The following VPS26A variants were observed in gnomAD, a reference collection of about 807,000 sequenced individuals.
The protein encoded by VPS26A is vacuolar protein sorting-associated protein 26A.
A neutral mutation model predicts 42.4 loss-of-function variants in VPS26A; 22 were observed. The observed-to-expected ratio is 0.52, with a 90% CI of 0.37 to 0.74. The LOEUF (loss-of-function observed/expected upper bound fraction) is 0.74, where lower values mean the gene tolerates loss of function less well. Ranked by LOEUF, VPS26A falls within the 30% of genes least tolerant of loss-of-function variation. The pLI is 0.00. For missense variants in VPS26A, 276 were observed against 379.2 expected (o/e 0.73, Z 2.26); for synonymous variants, 110 against 123.5 (o/e 0.89, Z 0.73).
At chr10:69,164,423 G>A (rs1393884890) in intron 6 of VPS26A, among the ~76,000 whole-genome samples, 3 of 151,966 alleles carry the variant, frequency 2.0e-5, no homozygotes, top group Non-Finnish European at 2.9e-5. Flanking sequence ...TCACTACGTT[G>A]CCCAGGCTGG....
At chr10:69,164,177 A>T (rs1841629301) in intron 6 of VPS26A, among the ~76,000 whole-genome samples, 1 of 150,866 alleles carries the variant, frequency 6.6e-6, no homozygotes, top group South Asian at 2.1e-4. Flanking sequence ...TCTTTTTCTT[A>T]CTTATGTGTA....
chr10:69,148,346 C>A (rs1351894947), intron 2 of VPS26A, among the ~76,000 whole-genome samples: 2 of 152,022 alleles, frequency 1.3e-5, no homozygotes, highest in Non-Finnish European at 2.9e-5. Flanking sequence ...TGGATCTATT[C>A]CCTGTTGCAA....
chr10:69,137,884 C>T (rs1028121748), intron 2 of VPS26A, among the ~76,000 whole-genome samples: 6 of 142,698 alleles, frequency 4.2e-5, no homozygotes, highest in East Asian at 1.9e-4. Flanking sequence ...TATATATATT[C>T]GCCATAAAAA....
intron 1 of VPS26A, among the ~76,000 whole-genome samples, chr10:69,125,306 C>G (rs1840625469): frequency 1.4e-5 from 2 of 140,736 alleles, no homozygotes; most frequent in African/African-American, 4.9e-5. Flanking sequence ...TCCAGACATT[C>G]ATGTTCATTC....
intron 1 of VPS26A, among the ~76,000 whole-genome samples, chr10:69,129,042 T>C (rs1338044443): frequency 1.3e-5 from 2 of 151,392 alleles, no homozygotes; most frequent in African/African-American, 4.9e-5. Flanking sequence ...AATTTTTCTA[T>C]CTCTGTTTTA....
intron 1 of VPS26A, among the ~76,000 whole-genome samples, chr10:69,130,932 C>G (rs1589343776): frequency 6.6e-6 from 1 of 152,126 alleles, no homozygotes; most frequent in Non-Finnish European, 1.5e-5. Context: ...TATCCATTCT[C>G]TTGTTGATTG....
chr10:69,163,766 CTTT>C (rs869154106), intron 6 of VPS26A, among the ~76,000 whole-genome samples: 3 of 133,594 alleles, frequency 2.2e-5, no homozygotes, highest in African/African-American at 5.6e-5. Context: ...TTTCAGTTTT[CTTT>C]TTTTTTTTTT....
chr10:69,164,247 T>A, intron 6 of VPS26A, among the ~76,000 whole-genome samples: 1 of 150,100 alleles, frequency 6.7e-6, no homozygotes. Context: ...AGACAGGGTC[T>A]CACACTGTCA....
At chr10:69,129,173 T>A (rs1840722258) in intron 1 of VPS26A, among the ~76,000 whole-genome samples, 1 of 152,180 alleles carries the variant, frequency 6.6e-6, no homozygotes. Context: ...TAAAATAGAC[T>A]GCTACTTGAA....
chr10:69,160,127 T>TACAC (rs71035066), intron 5 of VPS26A, among the ~76,000 whole-genome samples: 6,556 of 148,344 alleles, frequency 0.044, 215 homozygotes, highest in African/African-American at 0.088. Context: ...ACATAATTTT[T>TACAC]ACACACACAC....
chr10:69,144,058 A>G (rs1362978700), intron 2 of VPS26A, among the ~76,000 whole-genome samples: 4 of 152,058 alleles, frequency 2.6e-5, no homozygotes, highest in Non-Finnish European at 1.5e-5. Context: ...GGTTTGCATT[A>G]TCTGTATCCA....
chr10:69,153,588 A>G (rs1164710217), intron 2 of VPS26A, among the ~76,000 whole-genome samples: 1 of 150,598 alleles, frequency 6.6e-6, no homozygotes, highest in African/African-American at 2.4e-5. Context: ...GACCTTAATT[A>G]AGCAGCCTTC....
chr10:69,152,079 T>A (rs1352651448), intron 2 of VPS26A, among the ~76,000 whole-genome samples: 1 of 152,028 alleles, frequency 6.6e-6, no homozygotes, highest in African/African-American at 2.4e-5. Flanking sequence ...CATGGTGGCA[T>A]GTGCCTGTAA....
In VPS26A at chr10:69,151,282, A is replaced by AAC. The variant is rs1554854472; in HGVS notation, c.154-4514_154-4513dup. ...TCCATGTCAAAAAAAAAAAAAAAAAAACACACACACACACACAATTAGCCG... is the reference window on the plus strand; with the variant it reads ...TCCATGTCAAAAAAAAAAAAAAAAAAACACACACACACACACACAATTAGCCG... On this transcript the variant is annotated intron_variant, in intron 2 of 8. Coordinates refer to ENST00000263559, the MANE Select transcript of VPS26A (RefSeq NM_004896.5). Among the ~76,000 whole-genome samples the AAC allele has an allele frequency of 1.0e-3, 138 of 136,746 alleles. 1 individual carries two copies. Among genetic ancestry groups the AAC allele is most frequent in the African/African-American group, 3.8e-3 (115 of 30,088 alleles). 89.7% of individuals were successfully genotyped at this position (136,746 alleles called of 152,430 possible).
intron 2 of VPS26A, among the ~76,000 whole-genome samples, chr10:69,144,435 T>A (rs1447202517): frequency 6.6e-6 from 1 of 150,784 alleles, no homozygotes; most frequent in African/African-American, 2.4e-5. Flanking sequence ...GCACCTGCGC[T>A]ACCACCACCA....
chr10:69,124,824 G>A (rs1840614734), intron 1 of VPS26A, among the ~76,000 whole-genome samples: 1 of 152,216 alleles, frequency 6.6e-6, no homozygotes, highest in Admixed American at 6.5e-5. Context: ...AAATGGGAGA[G>A]AAAAATAAAA....
At chr10:69,133,638 G>A in intron 2 of VPS26A, 1 of 1,275,006 alleles carries the variant, frequency 7.8e-7, no homozygotes, top group Non-Finnish European at 1.0e-6. Context: ...TCTTTATCCG[G>A]TAATGTATAC....
intron 2 of VPS26A, among the ~76,000 whole-genome samples, chr10:69,155,409 G>T (rs925193533): frequency 1.3e-5 from 2 of 152,082 alleles, no homozygotes; most frequent in African/African-American, 2.4e-5. Flanking sequence ...AAATGTCCTG[G>T]AATTGCATCT....
Position 69,171,946 on chromosome 10 carries a change from CCTT to C in VPS26A, c.*681_*683del, listed in dbSNP as rs1439375661. 2.0e-5 allele frequency: 3 copies of C among 152,064 alleles called. No individual in the cohort carries two copies. The highest frequency in any genetic ancestry group is 4.4e-5 in the Non-Finnish European group (3 of 68,006). The allele number at this position is 152,064 out of a possible 1,614,324, so 9.4% of individuals were successfully genotyped here. On this transcript the variant is annotated 3_prime_UTR_variant, in exon 9 of 9. Coordinates refer to ENST00000263559, the MANE Select transcript of VPS26A (RefSeq NM_004896.5). ...GGGATTATGTGGCAGGTCATTATGG[CCTT>C]CTTTTTTTTGGCCATATTAAGTAAC...
Sources: allele counts gnomAD v4.1 joint callset (sites outside exome capture counted in the v4.1 genomes callset), GRCh38; gene constraint gnomAD v4.1.1; transcripts MANE v1.5; gene names NCBI Gene and HGNC (gene_info 2026-07-23, HGNC 2026-07-21).